Variants in PCDHGC4 observed in about 807,000 individuals in gnomAD.
PCDHGC4 encodes protocadherin gamma subfamily C, 4, also known as protocadherin gamma-C4.
PCDHGC4 carries 15 observed loss-of-function variants against 59.7 expected under a neutral mutation model. That is an observed-to-expected ratio of 0.25 (90% confidence interval 0.17 to 0.39). PCDHGC4 has a LOEUF of 0.39. Among genes scored for constraint, PCDHGC4 ranks in the 10% least tolerant of loss-of-function variants. PCDHGC4 has a pLI of 1.00. For synonymous variants in PCDHGC4, 434 were observed against 481.4 expected (o/e 0.90, Z 1.29); for missense variants, 1,016 against 1,189.5 (o/e 0.85, Z 2.15).
Position 141,489,153 on chromosome 5 carries a change from G to T in PCDHGC4, c.2442+1538G>T. 1 of 935,828 alleles carries T rather than the reference G, an allele frequency of 1.1e-6. No individual in the cohort carries two copies. Among genetic ancestry groups the T allele is most frequent in the South Asian group, 1.8e-5 (1 of 55,006 alleles). 58.0% of individuals were successfully genotyped at this position (935,828 alleles called of 1,614,324 possible). A position where few individuals can be genotyped will look rare whatever the true frequency, so the allele number is the denominator to read the frequency against. Reference sequence around the variant, plus strand: ...TTTAAGAGGCTGGAAGGAGACATAAGAGACTTCAGCTGCTGCATTCCAAGC... The same window carrying T: ...TTTAAGAGGCTGGAAGGAGACATAATAGACTTCAGCTGCTGCATTCCAAGC... On this transcript the variant is annotated intron_variant, in intron 1 of 3. Transcript: ENST00000306593. The surrounding 1 kb of genome is among the most constrained non-coding windows in gnomAD (Gnocchi z 4.5).
chr5:141,498,713 C>T (rs1216279302), intron 2 of PCDHGC4, among the ~76,000 whole-genome samples: 1 of 152,148 alleles, frequency 6.6e-6, no homozygotes, highest in East Asian at 1.9e-4. Flanking sequence ...GGGTGGATCA[C>T]CTGAGGTCAG....
At position 141,486,873 on chromosome 5, in the gene PCDHGC4, G is replaced by A. The variant is rs769661146; in HGVS notation, c.1700G>A (p.Arg567His). Residue 567 changes from arginine to histidine, a missense_variant, in exon 1 of 4, where the codon CGT (arginine) becomes CAT (histidine). Transcript: ENST00000306593. This position sits in a 1 kb window ranked among gnomAD's most constrained non-coding sequence, Gnocchi z 5.0. ...AATGACAATGCTCCAGCTGTGCTCCGTCCTCGGGCCCGGCCTGGTTCCTTA... is the reference window on the plus strand; with the variant it reads ...AATGACAATGCTCCAGCTGTGCTCCATCCTCGGGCCCGGCCTGGTTCCTTA... ...DLNDNAPAVL[R>H]PRARPGSLCP... is the part of the protein sequence containing the mutation. 1.6e-5 allele frequency: 26 copies of A among 1,614,082 alleles called. No individual in the cohort carries two copies. Among genetic ancestry groups the A allele is most frequent in the African/African-American group, 4.0e-5 (3 of 74,922 alleles).
chr5:141,489,151 AAG>A lies in PCDHGC4; in HGVS notation c.2442+1540_2442+1541del. ...TTTTTAAGAGGCTGGAAGGAGACAT[AAG>A]AGACTTCAGCTGCTGCATTCCAAGC... On this transcript the variant is annotated intron_variant, in intron 1 of 3. Coordinates refer to ENST00000306593, the MANE Select transcript of PCDHGC4 (RefSeq NM_018928.3). The surrounding 1 kb of genome is among the most constrained non-coding windows in gnomAD (Gnocchi z 4.5). The A allele has an allele frequency of 1.1e-6, 1 of 932,970 alleles. No homozygotes were observed. The highest frequency in any genetic ancestry group is 1.6e-6 in the Non-Finnish European group (1 of 622,054). 57.8% of individuals were successfully genotyped at this position (932,970 alleles called of 1,614,324 possible).
Position 141,485,768 on chromosome 5 carries a change from C to A in PCDHGC4, c.595C>A (p.Pro199Thr), listed in dbSNP as rs759191157. 3.7e-6 allele frequency: 6 copies of A among 1,614,192 alleles called. No individual in the cohort carries two copies. Among genetic ancestry groups the A allele is most frequent in the Middle Eastern group, 1.6e-4 (1 of 6,062 alleles). The change falls in exon 1 of 4, where the codon CCT (proline) becomes ACT (threonine). Residue 199 changes from proline (P) to threonine (T), a missense_variant. Coordinates refer to ENST00000306593, the MANE Select transcript of PCDHGC4 (RefSeq NM_018928.3). The surrounding 1 kb of genome is among the most constrained non-coding windows in gnomAD (Gnocchi z 5.7). The part of the protein sequence containing the change: ...SLVPELLLEK[P>T]LDREKQSDYR... ...GGTCCCAGAGCTGCTCCTGGAGAAG[C>A]CTTTGGATCGAGAGAAGCAATCGGA...
intron 3 of PCDHGC4, 149 bp downstream of exon 3, chr5:141,505,630 A>G (rs558394591): frequency 4.7e-5 from 69 of 1,480,262 alleles, no homozygotes; most frequent in Admixed American, 2.2e-5. Flanking sequence ...AATTCCAAAC[A>G]TAAAGCCTGG....
In PCDHGC4 at chr5:141,486,042, G is replaced by A; in HGVS notation, c.869G>A (p.Arg290Lys). The A allele has an allele frequency of 6.2e-7, 1 of 1,614,180 alleles. No individual in the cohort carries two copies. The highest frequency in any genetic ancestry group is 8.5e-7 in the Non-Finnish European group (1 of 1,180,030). The change falls in exon 1 of 4, where the codon AGA becomes AAA. Residue 290 changes from arginine (R) to lysine (K), a missense_variant. By Grantham distance (26) the Arg-to-Lys change is conservative (BLOSUM62 2). Coordinates refer to ENST00000306593, the MANE Select transcript of PCDHGC4 (RefSeq NM_018928.3). This position sits in a 1 kb window ranked among gnomAD's most constrained non-coding sequence, Gnocchi z 5.0. The stretch of plus-strand genomic sequence containing the variant: ...AGTGGTCATACCCCTGATCGTGTAA[G>A]AAACCTCTTTAGCCTGCACCCCACT... ...YFSGHTPDRV[R>K]NLFSLHPTTG...
rs530139788 is a variant in PCDHGC4, at chr5:141,509,165, C to A, written c.2591-1782C>A. On this transcript the variant is annotated intron_variant, in intron 3 of 3. Coordinates refer to ENST00000306593, the MANE Select transcript of PCDHGC4 (RefSeq NM_018928.3). ...TCCCGGCTCTCCCCTCCCGTGTGCC[C>A]TCCTCCTCTTATGCCGGCTTGAAAA... Among the ~76,000 whole-genome samples the A allele has an allele frequency of 1.4e-4, 21 of 152,332 alleles. No individual in the cohort carries two copies. In the South Asian group the frequency reaches 4.1e-3, roughly 30 times the overall value.
intron 2 of PCDHGC4, among the ~76,000 whole-genome samples, chr5:141,495,685 T>TA (rs758775501): frequency 1.3e-5 from 2 of 152,210 alleles, no homozygotes; most frequent in African/African-American, 2.4e-5. Context: ...TGCCATGGCA[T>TA]AAGTGCTCAA....
chr5:141,511,823 GC>G lies in PCDHGC4; in HGVS notation c.*653del, dbSNP rs2099883963. On this transcript the variant is annotated 3_prime_UTR_variant, in exon 4 of 4. Coordinates refer to ENST00000306593, the MANE Select transcript of PCDHGC4 (RefSeq NM_018928.3). The stretch of plus-strand genomic sequence containing the variant: ...TTTTGCTACCAAGCCTCTTCCCAAC[GC>G]CCTGGGGACCAGTCTTCTGTTTTGT... The G allele has an allele frequency of 6.4e-6, 1 of 156,728 alleles. No individual in the cohort carries two copies. The highest frequency in any genetic ancestry group is 1.9e-4 in the South Asian group (1 of 5,164). 9.7% of individuals were successfully genotyped at this position (156,728 alleles called of 1,614,324 possible).
intron 2 of PCDHGC4, among the ~76,000 whole-genome samples, chr5:141,503,269 C>A (rs1161751693): frequency 6.6e-6 from 1 of 152,116 alleles, no homozygotes; most frequent in Non-Finnish European, 1.5e-5. Context: ...ACCCCAGCAC[C>A]TGGCTCTGTG....
intron 2 of PCDHGC4, among the ~76,000 whole-genome samples, chr5:141,498,949 AAGAG>A (rs1417276243): frequency 1.3e-4 from 18 of 133,552 alleles, no homozygotes; most frequent in African/African-American, 1.9e-4. Context: ...AAGAAAGAAA[AAGAG>A]AGAGAGGGAG....
At position 141,491,765 on chromosome 5, in the gene PCDHGC4, A is replaced by C; in HGVS notation, c.2443-3042A>C. 1 of 1,569,230 alleles carries C rather than the reference A, an allele frequency of 6.4e-7. No homozygotes were observed. On this transcript the variant is annotated intron_variant, in intron 1 of 3. Coordinates refer to ENST00000306593, the MANE Select transcript of PCDHGC4 (RefSeq NM_018928.3). This position sits in a 1 kb window ranked among gnomAD's most constrained non-coding sequence, Gnocchi z 6.9. The stretch of plus-strand genomic sequence containing the variant: ...GGCACTGGAGAAGCCGCCCGTCCTC[A>C]TAAGGGATTGAACTTGCATCCACTC...
chr5:141,499,047 GA>G (rs2099789201), intron 2 of PCDHGC4, among the ~76,000 whole-genome samples: 1 of 151,580 alleles, frequency 6.6e-6, no homozygotes, highest in South Asian at 2.1e-4. Flanking sequence ...GAAAAAGGGA[GA>G]AAAAATGAAG....
Position 141,487,007 on chromosome 5 carries a change from G to A in PCDHGC4, c.1834G>A (p.Glu612Lys), listed in dbSNP as rs563548715. The A allele has an allele frequency of 3.1e-6, 5 of 1,614,206 alleles. No homozygotes were observed. In the South Asian group the frequency reaches 5.5e-5, roughly 18 times the overall value. ...TGCTTGGGTTTCCTATCAGCTCCTGGAGGCCCCAGATCCCAGCCTGTTTGC... is the reference window on the plus strand; with the variant it reads ...TGCTTGGGTTTCCTATCAGCTCCTGAAGGCCCCAGATCCCAGCCTGTTTGC... Reference protein sequence around the residue: ...YNAWVSYQLLEAPDPSLFAVS... With the variant: ...YNAWVSYQLLKAPDPSLFAVS... Residue 612 changes from glutamate to lysine, a missense_variant, in exon 1 of 4, where the codon GAG (glutamate) becomes AAG (lysine). By Grantham distance (56) the Glu-to-Lys change is moderately conservative. Transcript: ENST00000306593. This position sits in a 1 kb window ranked among gnomAD's most constrained non-coding sequence, Gnocchi z 5.0.
In PCDHGC4 at chr5:141,494,027, G is replaced by A. The variant is rs77020157; in HGVS notation, c.2443-780G>A. 1.5e-4 allele frequency among the ~76,000 whole-genome samples: 23 copies of A among 152,298 alleles called. No homozygotes were observed. In the East Asian group the frequency reaches 3.3e-3, roughly 22 times the overall value. ...ACACATCAGCCCCTTGGGAGCCCTGGAGACTTAGTTGGCCCTGCTTGGAGG... is the reference window on the plus strand; with the variant it reads ...ACACATCAGCCCCTTGGGAGCCCTGAAGACTTAGTTGGCCCTGCTTGGAGG... On this transcript the variant is annotated intron_variant, in intron 1 of 3. Coordinates refer to ENST00000306593, the MANE Select transcript of PCDHGC4 (RefSeq NM_018928.3).
chr5:141,509,081 A>C (rs1279221589), intron 3 of PCDHGC4, among the ~76,000 whole-genome samples: 2 of 152,160 alleles, frequency 1.3e-5, no homozygotes, highest in Non-Finnish European at 2.9e-5. Flanking sequence ...GATTTGCGAC[A>C]TGAAATGGGG....
At chr5:141,497,212 G>T (rs968445663) in intron 2 of PCDHGC4, among the ~76,000 whole-genome samples, 3 of 150,900 alleles carry the variant, frequency 2.0e-5, no homozygotes, top group Non-Finnish European at 3.0e-5. Context: ...AGTGTAATGG[G>T]GGGGGGAAGA....
rs1315225126 is a variant in PCDHGC4 at position 141,487,926 on chromosome 5, A to G, written c.2442+311A>G. The G allele has an allele frequency of 2.2e-5, 14 of 626,676 alleles. No individual in the cohort carries two copies. Among genetic ancestry groups the G allele is most frequent in the Non-Finnish European group, 3.9e-5 (14 of 359,988 alleles). The allele number at this position is 626,676 out of a possible 1,614,324, so 38.8% of individuals were successfully genotyped here. ...GTGGGAGCACAGGAGGCTACAGTGC[A>G]CAGGGTACAGTGCACCAGGCAGTCA... On this transcript the variant is annotated intron_variant, in intron 1 of 3. Coordinates refer to ENST00000306593, the MANE Select transcript of PCDHGC4 (RefSeq NM_018928.3). The surrounding 1 kb of genome is among the most constrained non-coding windows in gnomAD (Gnocchi z 5.0).
chr5:141,490,065 C>A lies in PCDHGC4; in HGVS notation c.2442+2450C>A, dbSNP rs1161257597. ...CTGATCCAGACGAGGGCACCAACGG[C>A]CAACTAGACTATTCTTTTGGAGACC... On this transcript the variant is annotated intron_variant, in intron 1 of 3. Coordinates refer to ENST00000306593, the MANE Select transcript of PCDHGC4 (RefSeq NM_018928.3). This position sits in a 1 kb window ranked among gnomAD's most constrained non-coding sequence, Gnocchi z 5.4. 1 of 1,614,258 alleles carries A rather than the reference C, an allele frequency of 6.2e-7. No individual in the cohort carries two copies. Among genetic ancestry groups the A allele is most frequent in the South Asian group, 1.1e-5 (1 of 91,090 alleles).
Sources: allele counts gnomAD v4.1 joint callset (sites outside exome capture counted in the v4.1 genomes callset), GRCh38; gene constraint gnomAD v4.1.1; non-coding constraint Gnocchi (gnomAD v3.1); transcripts MANE v1.5; gene names NCBI Gene and HGNC (gene_info 2026-07-23, HGNC 2026-07-21).